The following GAN variants were observed in gnomAD, a reference collection of about 807,000 sequenced individuals.
The protein encoded by GAN is gigaxonin.
GAN carries 48 observed loss-of-function variants against 71.3 expected under a neutral mutation model. The observed-to-expected ratio is 0.67, with a 90% CI of 0.53 to 0.86. The LOEUF is 0.86. Ranked by LOEUF, GAN falls within the 40% of genes least tolerant of loss-of-function variation. The probability of loss-of-function intolerance (pLI) is 0.00; values close to 1 mark genes in which losing one functional copy is unlikely to be tolerated. For synonymous variants in GAN, 386 were observed against 276.8 expected, an observed-to-expected ratio of 1.39 and a Z score of -3.92; for missense variants, 928 against 770.1, an observed-to-expected ratio of 1.21 and a Z score of -2.43.
At chr16:81,340,495 G>C (rs922101733) in intron 1 of GAN, among the ~76,000 whole-genome samples, 3 of 152,074 alleles carry the variant, frequency 2.0e-5, no homozygotes, top group African/African-American at 7.2e-5. Flanking sequence ...AGGCAAACAG[G>C]GTCTGGAATG....
rs746841600 is a variant in GAN at position 81,365,006 on chromosome 16, C to A, written c.1269C>A (p.Ile423=). 3 of 1,613,938 alleles carry A rather than the reference C, an allele frequency of 1.9e-6. No individual in the cohort carries two copies. The South Asian group carries it at 3.3e-5, about 18-fold the overall frequency. ...GCTATGCAGCTATGAAAAAGAAAAT[C>A]TACGCCATGGGTGGAGGCTCCTACG... ...IGCYAAMKKK[I]YAMGGGSYGK... The change falls in exon 8 of 11, where the codon ATC becomes ATA. Residue 423 remains isoleucine (I), a synonymous_variant. Transcript: ENST00000648994.
chr16:81,351,974 A>C (rs1429543324), intron 2 of GAN, among the ~76,000 whole-genome samples: 1 of 152,178 alleles, frequency 6.6e-6, no homozygotes, highest in Non-Finnish European at 1.5e-5. Context: ...ATTAAAGAAC[A>C]TGGGATGCTG....
chr16:81,362,364 G>GAT, intron 5 of GAN, 135 bp from the exon 6 acceptor site: 1 of 700,560 alleles, frequency 1.4e-6, no homozygotes, highest in Non-Finnish European at 2.6e-6. Context: ...AATGGGATGT[G>GAT]ATAAAAGCCC....
intron 1 of GAN, among the ~76,000 whole-genome samples, chr16:81,347,905 T>G (rs1355418788): frequency 6.6e-6 from 1 of 152,142 alleles, no homozygotes; most frequent in Non-Finnish European, 1.5e-5. Context: ...TCCTTAATAG[T>G]CTTATCTTTT....
chr16:81,367,681 T>G (rs892997964), intron 9 of GAN, among the ~76,000 whole-genome samples: 1 of 152,190 alleles, frequency 6.6e-6, no homozygotes, highest in Non-Finnish European at 1.5e-5. Context: ...AACACACATA[T>G]AACACCAAAT....
At chr16:81,374,512 C>T (rs1369625583) in intron 9 of GAN, among the ~76,000 whole-genome samples, 1 of 152,138 alleles carries the variant, frequency 6.6e-6, no homozygotes, top group South Asian at 2.1e-4. Context: ...TGGAATTTTT[C>T]GGTAAAGGAA....
At position 81,380,543 on chromosome 16, in the gene GAN, G is replaced by A. The variant is rs570963334; in HGVS notation, c.*2947G>A. The A allele has an allele frequency of 6.6e-6, 1 of 152,150 alleles. No individual in the cohort carries two copies. The highest frequency in any genetic ancestry group is 2.4e-5 in the African/African-American group (1 of 41,438). 9.4% of individuals were successfully genotyped at this position (152,150 alleles called of 1,614,324 possible). A position where few individuals can be genotyped will look rare whatever the true frequency, so the allele number is the denominator to read the frequency against. ...TGCTTATATCCTGTGAATAGAAAAA[G>A]TGTGAGAGATGAATGAGTGAGTTGT... On this transcript the variant is annotated 3_prime_UTR_variant, in exon 11 of 11. Coordinates refer to ENST00000648994, the MANE Select transcript of GAN (RefSeq NM_022041.4).
intron 9 of GAN, among the ~76,000 whole-genome samples, chr16:81,369,113 TA>T (rs1334967354): frequency 1.3e-5 from 2 of 152,234 alleles, no homozygotes; most frequent in Non-Finnish European, 2.9e-5. Context: ...TTTTACAGTA[TA>T]TAAGTTAAAT....
At chr16:81,342,817 C>CA (rs1909989912) in intron 1 of GAN, among the ~76,000 whole-genome samples, 1 of 151,826 alleles carries the variant, frequency 6.6e-6, no homozygotes, top group South Asian at 2.1e-4. Flanking sequence ...CACAACCCTT[C>CA]AAAAAATCAA....
intron 1 of GAN, among the ~76,000 whole-genome samples, chr16:81,341,377 C>T (rs1484239554): frequency 6.6e-6 from 1 of 152,190 alleles, no homozygotes; most frequent in African/African-American, 2.4e-5. Context: ...ATGTTAAGGG[C>T]AGCCAGAGAG....
intron 1 of GAN, among the ~76,000 whole-genome samples, chr16:81,339,983 C>T (rs1042571749): frequency 6.6e-6 from 1 of 152,194 alleles, no homozygotes; most frequent in African/African-American, 2.4e-5. Flanking sequence ...GAAAGGATCA[C>T]ATTTTATGGA....
chr16:81,388,950 A>G lies in GAN; in HGVS notation c.*11354A>G, dbSNP rs1184205005. The G allele has an allele frequency of 6.6e-6, 1 of 152,220 alleles. No homozygotes were observed. Among genetic ancestry groups the G allele is most frequent in the East Asian group, 1.9e-4 (1 of 5,198 alleles). 9.4% of individuals were successfully genotyped at this position (152,220 alleles called of 1,614,324 possible). ...TTTATTGTTAGTCTAGCATATGCTC[A>G]TTGAAATTGACTTATGTTTTATTTT... On this transcript the variant is annotated 3_prime_UTR_variant, in exon 11 of 11. Transcript: ENST00000648994.
intron 1 of GAN, among the ~76,000 whole-genome samples, chr16:81,337,858 C>G (rs1344740563): frequency 1.3e-5 from 2 of 152,084 alleles, no homozygotes; most frequent in Non-Finnish European, 2.9e-5. Flanking sequence ...GAAAAATAAA[C>G]TTAGACCACA....
Position 81,344,980 on chromosome 16 carries a change from C to T in GAN, c.168-6603C>T, listed in dbSNP as rs189136890. Reference sequence around the variant, plus strand: ...CACTTCTCAAAAGAAGACATTTATGCAACCAACAGACATGAAAAAATGCTC... The same window carrying T: ...CACTTCTCAAAAGAAGACATTTATGTAACCAACAGACATGAAAAAATGCTC... On this transcript the variant is annotated intron_variant, in intron 1 of 10. Coordinates refer to ENST00000648994, the MANE Select transcript of GAN (RefSeq NM_022041.4). Among the ~76,000 whole-genome samples, 237 of 152,240 alleles carry T rather than the reference C, an allele frequency of 1.6e-3. 1 individual carries two copies. The highest frequency in any genetic ancestry group is 5.5e-3 in the African/African-American group (229 of 41,538).
intron 9 of GAN, among the ~76,000 whole-genome samples, chr16:81,376,465 A>ATATG (rs1163323814): frequency 2.4e-4 from 31 of 127,166 alleles, no homozygotes; most frequent in South Asian, 8.1e-4. Flanking sequence ...ATACATACAT[A>ATATG]TGTGTGTGTG....
In GAN at chr16:81,354,539, C is replaced by G. The variant is rs770618198; in HGVS notation, c.417C>G (p.Asp139Glu). The G allele has an allele frequency of 2.5e-6, 4 of 1,613,944 alleles. No homozygotes were observed. Among genetic ancestry groups the G allele is most frequent in the African/African-American group, 2.7e-5 (2 of 74,930 alleles). The change falls in exon 3 of 11, where the codon GAC becomes GAG. Residue 139 changes from aspartate (D) to glutamate (E), a missense_variant. By Grantham distance (45) the Asp-to-Glu change is conservative. Coordinates refer to ENST00000648994, the MANE Select transcript of GAN (RefSeq NM_022041.4). ...CTGAGAACTGTATTGGTATCCGTGA[C>G]TTTGCACTACATTACTGCCTCCATC... ...IAAENCIGIR[D>E]FALHYCLHHV... is the part of the protein sequence containing the mutation.
At chr16:81,361,147 C>T (rs1233519883) in intron 5 of GAN, among the ~76,000 whole-genome samples, 1 of 152,154 alleles carries the variant, frequency 6.6e-6, no homozygotes, top group Non-Finnish European at 1.5e-5. Flanking sequence ...ATCGCTTGAA[C>T]CCAGGAGGCA....
chr16:81,362,903 G>C (rs1334724226), intron 6 of GAN, among the ~76,000 whole-genome samples: 1 of 152,192 alleles, frequency 6.6e-6, no homozygotes, highest in African/African-American at 2.4e-5. Flanking sequence ...CACCTTCTCA[G>C]CGGGCCTCCC....
chr16:81,362,469 T>A, intron 5 of GAN, 30 bp from the exon 6 acceptor site: 1 of 1,168,778 alleles, frequency 8.6e-7, no homozygotes, highest in Non-Finnish European at 1.3e-6. Context: ...GACTCACATT[T>A]CATATTTGTG....
Sources: allele counts gnomAD v4.1 joint callset (sites outside exome capture counted in the v4.1 genomes callset), GRCh38; gene constraint gnomAD v4.1.1; transcripts MANE v1.5; gene names NCBI Gene and HGNC (gene_info 2026-07-23, HGNC 2026-07-21).